ADAMTS19: variants seen among roughly 807,000 people sequenced by gnomAD.
ADAMTS19 encodes A disintegrin and metalloproteinase with thrombospondin motifs 19.
Under a neutral mutation model 153.3 loss-of-function variants are expected in ADAMTS19, and 93 were observed. That is an observed-to-expected ratio of 0.61 (90% CI 0.51 to 0.72). The LOEUF (loss-of-function observed/expected upper bound fraction) is 0.72. ADAMTS19 is among the 30% of genes least tolerant of loss of function. ADAMTS19 has a pLI of 0.00. For synonymous variants in ADAMTS19, 600 were observed against 556.6 expected, an observed-to-expected ratio of 1.08 and a Z score of -1.10; for missense variants, 1,482 against 1,552.1, an observed-to-expected ratio of 0.95 and a Z score of 0.76.
intron 19 of ADAMTS19, 106 bp downstream of exon 19, chr5:129,694,961 C>T (rs1397062082): frequency 8.0e-7 from 1 of 1,245,192 alleles, no homozygotes; most frequent in Non-Finnish European, 1.1e-6. Context: ...AAAAACATTG[C>T]CAAAGGATAC....
chr5:129,614,675 G>T (rs1751419224), intron 8 of ADAMTS19, among the ~76,000 whole-genome samples: 1 of 152,104 alleles, frequency 6.6e-6, no homozygotes, highest in African/African-American at 2.4e-5. Flanking sequence ...AGTGTTGGAA[G>T]TTCTGGCCAG....
chr5:129,613,294 T>C (rs1751326194), intron 8 of ADAMTS19, among the ~76,000 whole-genome samples: 1 of 152,170 alleles, frequency 6.6e-6, no homozygotes, highest in African/African-American at 2.4e-5. Context: ...AGTAAAGCAC[T>C]CTTCAGCAAA....
At chr5:129,506,601 T>C (rs1751277170) in intron 2 of ADAMTS19, among the ~76,000 whole-genome samples, 1 of 152,010 alleles carries the variant, frequency 6.6e-6, no homozygotes, top group Non-Finnish European at 1.5e-5. Context: ...TGTTATGTAA[T>C]GAAGAAGCTT....
intron 21 of ADAMTS19, among the ~76,000 whole-genome samples, chr5:129,731,466 A>C (rs1757441274): frequency 6.6e-6 from 1 of 152,150 alleles, no homozygotes. Flanking sequence ...TCTTGTAGGC[A>C]ATGGTAAACT....
At chr5:129,616,241 T>C (rs1284186937) in intron 8 of ADAMTS19, among the ~76,000 whole-genome samples, 1 of 152,020 alleles carries the variant, frequency 6.6e-6, no homozygotes, top group Admixed American at 6.6e-5. Flanking sequence ...GATATACCAC[T>C]GAATTCTAAG....
intron 7 of ADAMTS19, among the ~76,000 whole-genome samples, chr5:129,553,506 T>G (rs1274513925): frequency 6.6e-6 from 1 of 152,172 alleles, no homozygotes; most frequent in Admixed American, 6.6e-5. Flanking sequence ...AGCAATTTAT[T>G]GAATCTTTGG....
intron 17 of ADAMTS19, among the ~76,000 whole-genome samples, chr5:129,680,577 T>A (rs1325866556): frequency 6.6e-6 from 1 of 151,918 alleles, no homozygotes; most frequent in East Asian, 1.9e-4. Flanking sequence ...ACCAACACGC[T>A]GAAACTCCGT....
intron 2 of ADAMTS19, among the ~76,000 whole-genome samples, chr5:129,467,472 G>C (rs1438461727): frequency 6.6e-6 from 1 of 152,040 alleles, no homozygotes; most frequent in East Asian, 1.9e-4. Flanking sequence ...ACAAAACTCA[G>C]CATGGCATAA....
At chr5:129,574,091 T>G (rs1754010497) in intron 7 of ADAMTS19, among the ~76,000 whole-genome samples, 1 of 152,024 alleles carries the variant, frequency 6.6e-6, no homozygotes, top group African/African-American at 2.4e-5. Context: ...CTTGGAGAAT[T>G]CAATGCAATA....
At chr5:129,604,330 G>C (rs1199695814) in intron 8 of ADAMTS19, among the ~76,000 whole-genome samples, 1 of 152,102 alleles carries the variant, frequency 6.6e-6, no homozygotes, top group African/African-American at 2.4e-5. Flanking sequence ...TTTAAGCTTA[G>C]TTTAATTATC....
intron 6 of ADAMTS19, among the ~76,000 whole-genome samples, chr5:129,538,604 G>T (rs909785281): frequency 5.9e-5 from 9 of 151,990 alleles, no homozygotes; most frequent in African/African-American, 1.9e-4. Flanking sequence ...AGCATAGTGT[G>T]ATATATTTCA....
chr5:129,498,071 A>G (rs1476026276), intron 2 of ADAMTS19, among the ~76,000 whole-genome samples: 2 of 151,976 alleles, frequency 1.3e-5, no homozygotes, highest in African/African-American at 2.4e-5. Flanking sequence ...TTTTGCTGCC[A>G]TCATTGTTTA....
chr5:129,468,385 C>CACTCTTT (rs1749947786), intron 2 of ADAMTS19, among the ~76,000 whole-genome samples: 1 of 152,106 alleles, frequency 6.6e-6, no homozygotes, highest in African/African-American at 2.4e-5. Flanking sequence ...GACGGAGTCT[C>CACTCTTT]ACTCTTTTGC....
chr5:129,702,392 G>C (rs1755916140), intron 20 of ADAMTS19, among the ~76,000 whole-genome samples: 1 of 151,980 alleles, frequency 6.6e-6, no homozygotes, highest in Admixed American at 6.6e-5. Context: ...CACATAAAAA[G>C]GAAAATCATC....
At chr5:129,674,671 G>A (rs1447051205) in intron 16 of ADAMTS19, among the ~76,000 whole-genome samples, 1 of 152,074 alleles carries the variant, frequency 6.6e-6, no homozygotes, top group Non-Finnish European at 1.5e-5. Context: ...CCTTAAAACA[G>A]TATACTCCTC....
chr5:129,567,538 T>G (rs1304123913), intron 7 of ADAMTS19, among the ~76,000 whole-genome samples: 1 of 152,054 alleles, frequency 6.6e-6, no homozygotes, highest in East Asian at 1.9e-4. Flanking sequence ...GTTTTAGAAT[T>G]AAGAATAAAA....
chr5:129,733,944 CGTGTGTGTGTGTGTGTGTGTGTGTGT>C (rs34177749), intron 21 of ADAMTS19, among the ~76,000 whole-genome samples: 2,363 of 147,838 alleles, frequency 0.016, 63 homozygotes, highest in African/African-American at 0.054. Flanking sequence ...CAAGTGTGTG[CGTGTGTGTGTGTGTGTGTGTGTGTGT>C]GTGTGTGTGT....
At chr5:129,486,828 T>C (rs1177466761) in intron 2 of ADAMTS19, among the ~76,000 whole-genome samples, 3 of 152,146 alleles carry the variant, frequency 2.0e-5, no homozygotes, top group Non-Finnish European at 4.4e-5. Context: ...AAAATTGTGC[T>C]TATTTGCAGA....
intron 17 of ADAMTS19, among the ~76,000 whole-genome samples, chr5:129,683,194 A>C (rs1452003911): frequency 7.1e-6 from 1 of 140,320 alleles, no homozygotes; most frequent in Non-Finnish European, 1.5e-5. Flanking sequence ...AAAGAAATAT[A>C]TATATATACT....
Sources: gnomAD v4.1 joint callset for allele counts (sites outside exome capture counted in the v4.1 genomes callset) on GRCh38, gnomAD v4.1.1 for gene constraint, MANE v1.5 for transcripts, NCBI Gene and HGNC (gene_info 2026-07-23, HGNC 2026-07-21) for gene names.